Variants in TENM2 observed in about 807,000 individuals in gnomAD.
TENM2 encodes the protein teneurin-2.
A neutral mutation model predicts 245.2 loss-of-function variants in TENM2; 52 were observed. The ratio of observed to expected loss-of-function variants is 0.21; its 90% CI spans 0.17 to 0.27. The LOEUF (loss-of-function observed/expected upper bound fraction) is 0.27. TENM2 is among the 10% of genes least tolerant of loss of function. The pLI is 1.00. For synonymous variants in TENM2, 1,363 were observed against 1,438.9 expected, an observed-to-expected ratio of 0.95 and a Z score of 1.19; for missense variants, 3,046 against 3,666.8, an observed-to-expected ratio of 0.83 and a Z score of 4.37.
intron 2 of TENM2, among the ~76,000 whole-genome samples, chr5:167,448,075 T>C (rs1765337070): frequency 6.6e-6 from 1 of 152,132 alleles, no homozygotes; most frequent in East Asian, 1.9e-4. Flanking sequence ...TCCCTACTTA[T>C]CAACATGAAA....
At chr5:167,138,876 G>A in the TENM2 span, among the ~76,000 whole-genome samples, 7 of 152,162 alleles carry the variant, frequency 4.6e-5, no homozygotes, top group Non-Finnish European at 1.5e-5. Context: ...ACCCACCTCA[G>A]CCTCTCAAAG....
chr5:167,226,871 G>A, the TENM2 span, among the ~76,000 whole-genome samples: 1 of 151,750 alleles, frequency 6.6e-6, no homozygotes, highest in Non-Finnish European at 1.5e-5. Flanking sequence ...CCAATGTTGG[G>A]TGCATAAACA....
At chr5:167,151,373 T>C in the TENM2 span, among the ~76,000 whole-genome samples, 2 of 152,296 alleles carry the variant, frequency 1.3e-5, no homozygotes, top group East Asian at 3.9e-4. Flanking sequence ...CTCCAACATT[T>C]CACTTTTCTG....
chr5:167,569,208 G>T (rs191879461), intron 2 of TENM2, among the ~76,000 whole-genome samples: 3 of 148,588 alleles, frequency 2.0e-5, no homozygotes, highest in East Asian at 4.0e-4. Context: ...GATGATTTTC[G>T]TGGAAAACGT....
At chr5:167,246,990 T>C in the TENM2 span, among the ~76,000 whole-genome samples, 88 of 152,150 alleles carry the variant, frequency 5.8e-4, no homozygotes, top group Non-Finnish European at 1.1e-3. Context: ...ATTAAAATAC[T>C]TGTCCCTAAC....
At chr5:167,472,446 GT>G (rs1432870842) in intron 2 of TENM2, among the ~76,000 whole-genome samples, 3 of 152,216 alleles carry the variant, frequency 2.0e-5, no homozygotes, top group Non-Finnish European at 4.4e-5. Flanking sequence ...AAATTGTTGG[GT>G]TTTTATTTTA....
chr5:168,062,165 A>G lies in TENM2; in HGVS notation c.1415A>G (p.His472Arg), dbSNP rs72824990. 6.8e-3 allele frequency: 10,968 copies of G among 1,613,716 alleles called. 53 individuals carry two copies. Among genetic ancestry groups the G allele is most frequent in the Non-Finnish European group, 8.4e-3 (9,894 of 1,179,812 alleles). The stretch of plus-strand genomic sequence containing the variant: ...GGGGTGTTTTGGAGGTCACAAATTC[A>G]CATCAGTCAGCCCCAGTTCTTAAAG... Residue 472 changes from histidine to arginine, a missense_variant, in exon 7 of 29, where the codon CAC becomes CGC. This residue lies in a region of TENM2 where 2,704 missense variants were observed against 3,331.9 expected (regional missense o/e 0.81). Transcript: ENST00000518659.
the TENM2 span, among the ~76,000 whole-genome samples, chr5:167,124,803 C>A: frequency 1.3e-5 from 2 of 152,030 alleles, no homozygotes; most frequent in African/African-American, 2.4e-5. Flanking sequence ...TAGTTGGTTT[C>A]TCCATTGTCT....
At chr5:167,734,007 T>G (rs538332551) in intron 2 of TENM2, among the ~76,000 whole-genome samples, 24 of 152,200 alleles carry the variant, frequency 1.6e-4, no homozygotes, top group Non-Finnish European at 3.4e-4. Context: ...GACCCCAGGT[T>G]TCCTTGACTT....
At chr5:167,791,146 A>G (rs537498465) in intron 2 of TENM2, among the ~76,000 whole-genome samples, 2 of 152,282 alleles carry the variant, frequency 1.3e-5, no homozygotes, top group South Asian at 4.1e-4. Flanking sequence ...CTTAGAATTT[A>G]TCTAGCAAAG....
the TENM2 span, among the ~76,000 whole-genome samples, chr5:167,100,216 G>T: frequency 6.6e-6 from 1 of 152,126 alleles, no homozygotes; most frequent in Admixed American, 6.5e-5. Context: ...TACAGATACT[G>T]GGTGAATGAT....
At chr5:167,453,312 A>G (rs1191830021) in intron 2 of TENM2, among the ~76,000 whole-genome samples, 1 of 152,076 alleles carries the variant, frequency 6.6e-6, no homozygotes, top group African/African-American at 2.4e-5. Context: ...AAATGGCCCA[A>G]TTTTTATCTA....
intron 1 of TENM2, among the ~76,000 whole-genome samples, chr5:167,298,939 G>T (rs899398056): frequency 6.6e-6 from 1 of 152,168 alleles, no homozygotes; most frequent in Non-Finnish European, 1.5e-5. Context: ...GTTTTTGGGG[G>T]CACAGTCCGA....
chr5:167,954,920 A>G (rs768952640), intron 4 of TENM2, among the ~76,000 whole-genome samples: 36 of 152,334 alleles, frequency 2.4e-4, no homozygotes, highest in African/African-American at 4.8e-4. Flanking sequence ...TAGTGCTGCA[A>G]TAAACATATG....
chr5:167,465,482 A>G (rs1455359650), intron 2 of TENM2, among the ~76,000 whole-genome samples: 1 of 152,184 alleles, frequency 6.6e-6, no homozygotes, highest in African/African-American at 2.4e-5. Flanking sequence ...CTCTCTATCC[A>G]TCCTATGAAA....
At chr5:167,471,576 A>G (rs1159808360) in intron 2 of TENM2, among the ~76,000 whole-genome samples, 2 of 152,230 alleles carry the variant, frequency 1.3e-5, no homozygotes, top group Admixed American at 1.3e-4. Flanking sequence ...TAAATTTGAT[A>G]AGATAATTGC....
chr5:167,634,553 C>T lies in TENM2; in HGVS notation c.503-241433C>T, dbSNP rs1291081076. 2.0e-5 allele frequency among the ~76,000 whole-genome samples: 3 copies of T among 150,710 alleles called. No individual in the cohort carries two copies. The East Asian group carries it at 5.8e-4, about 29-fold the overall frequency. On this transcript the variant is annotated intron_variant, in intron 2 of 28. Coordinates refer to ENST00000518659, the Ensembl canonical transcript of TENM2. ...TCAAGGTCATTCAACTACTTAGATG[C>T]AGAAACCACTGCTGGTGCTAGGACT...
chr5:167,541,025 G>C (rs565021221), intron 2 of TENM2, among the ~76,000 whole-genome samples: 95 of 152,250 alleles, frequency 6.2e-4, no homozygotes, highest in Admixed American at 1.3e-3. Context: ...AGTGGGAACG[G>C]TACTATTTTT....
At chr5:167,660,467 A>G in intron 2 of TENM2, 1 of 136,178 alleles carries the variant, frequency 7.3e-6, no homozygotes, top group African/African-American at 3.4e-5. Context: ...TGTGTCTCAA[A>G]AAAAAAAAAA....
Sources: allele counts gnomAD v4.1 joint callset (sites outside exome capture counted in the v4.1 genomes callset), GRCh38; gene constraint gnomAD v4.1.1; regional missense constraint gnomAD v4.1.1; transcripts MANE v1.5; gene names NCBI Gene and HGNC (gene_info 2026-07-23, HGNC 2026-07-21).